The following NLRC5 variants were observed in gnomAD, a reference collection of about 807,000 sequenced individuals.
The protein encoded by NLRC5 is protein NLRC5.
A neutral mutation model predicts 206.9 loss-of-function variants in NLRC5; 114 were observed. The ratio of observed to expected loss-of-function variants is 0.55; its 90% CI spans 0.47 to 0.64. The LOEUF (loss-of-function observed/expected upper bound fraction) is 0.64, where lower values mean the gene tolerates loss of function less well. Among genes scored for constraint, NLRC5 ranks in the 30% least tolerant of loss-of-function variants. NLRC5 has a pLI of 0.00. For synonymous variants in NLRC5, 952 were observed against 962.8 expected, an observed-to-expected ratio of 0.99 and a Z score of 0.21; for missense variants, 2,008 against 2,305.5, an observed-to-expected ratio of 0.87 and a Z score of 2.64.
chr16:57,011,046 C>T (rs2059438154), intron 1 of NLRC5, among the ~76,000 whole-genome samples: 1 of 152,186 alleles, frequency 6.6e-6, no homozygotes, highest in Admixed American at 6.5e-5. Context: ...TCCTGTGTAG[C>T]TTCCCAGAGT....
intron 15 of NLRC5, 121 bp downstream of exon 15, chr16:57,037,405 C>A (rs1221552486): frequency 1.1e-6 from 1 of 871,860 alleles, no homozygotes; most frequent in Non-Finnish European, 1.9e-6. Flanking sequence ...GCTGTCCCAC[C>A]CAGACCCCGT....
intron 15 of NLRC5, among the ~76,000 whole-genome samples, chr16:57,037,926 G>A (rs1348390202): frequency 2.6e-5 from 4 of 152,132 alleles, no homozygotes; most frequent in African/African-American, 4.8e-5. Context: ...GAGGGAAACC[G>A]ATTCACCCAA....
Position 57,041,494 on chromosome 16 carries a change from T to C in NLRC5, c.2949T>C (p.His983=), listed in dbSNP as rs56171037. 0.073 allele frequency: 118,467 copies of C among 1,613,550 alleles called. 4,838 individuals are homozygous for C. The highest frequency in any genetic ancestry group is 0.096 in the Middle Eastern group (579 of 6,062). The change falls in exon 18 of 49, where the codon CAT becomes CAC. Residue 983 remains histidine (H), a synonymous_variant. Coordinates refer to ENST00000688547, the MANE Select transcript of NLRC5 (RefSeq NM_001384950.1). ...PLSSRRMRLT[H]CGLQEKHLEQ... is the part of the protein sequence containing the mutation. ...TTTTGTCCCTGGGCAGGCTGACACA[T>C]TGTGGCCTCCAAGAAAAGCACCTAG...
chr16:57,072,648 C>T (rs1453082138), intron 38 of NLRC5, among the ~76,000 whole-genome samples: 2 of 137,036 alleles, frequency 1.5e-5, no homozygotes, highest in Non-Finnish European at 3.4e-5. Flanking sequence ...TAGACAGTAT[C>T]TGGACAGAAA....
intron 2 of NLRC5, among the ~76,000 whole-genome samples, chr16:57,019,858 G>C (rs1160792152): frequency 6.6e-6 from 1 of 152,174 alleles, no homozygotes; most frequent in Non-Finnish European, 1.5e-5. Flanking sequence ...GAGACAACTA[G>C]TTGTCTCTGC....
chr16:57,058,945 C>T (rs2066050128), intron 28 of NLRC5, 27 bp from the exon 29 acceptor site: 1 of 1,602,522 alleles, frequency 6.2e-7, no homozygotes, highest in African/African-American at 1.3e-5. Context: ...GCCCTCACTC[C>T]CATTCTCATC....
chr16:57,049,973 C>T (rs1014490033), intron 23 of NLRC5, among the ~76,000 whole-genome samples: 2 of 151,938 alleles, frequency 1.3e-5, no homozygotes, highest in African/African-American at 2.4e-5. Flanking sequence ...GGGGTTCCAC[C>T]GGGGAAGCCA....
intron 26 of NLRC5, 88 bp downstream of exon 26, chr16:57,055,182 C>G: frequency 7.4e-7 from 1 of 1,355,664 alleles, no homozygotes; most frequent in Non-Finnish European, 1.1e-6. Context: ...AGTATGCAGA[C>G]TGCCTACCAC....
At chr16:57,066,172 C>T (rs1386681778) in intron 33 of NLRC5, among the ~76,000 whole-genome samples, 2 of 152,086 alleles carry the variant, frequency 1.3e-5, no homozygotes, top group African/African-American at 2.4e-5. Context: ...CGCGGTGGCT[C>T]ACGCCTGTAA....
chr16:57,011,378 A>T (rs1282928484), intron 1 of NLRC5, among the ~76,000 whole-genome samples: 1 of 149,288 alleles, frequency 6.7e-6, no homozygotes, highest in Non-Finnish European at 1.5e-5. Context: ...GTGCCACTAC[A>T]CTCAAGTCTA....
At chr16:57,082,045 C>G (rs891196038) in intron 48 of NLRC5, among the ~76,000 whole-genome samples, 1 of 152,232 alleles carries the variant, frequency 6.6e-6, no homozygotes. Context: ...ACATTGTCAA[C>G]CTGCTAGATT....
At chr16:57,073,222 T>G (rs2067987613) in intron 38 of NLRC5, among the ~76,000 whole-genome samples, 1 of 152,214 alleles carries the variant, frequency 6.6e-6, no homozygotes, top group Non-Finnish European at 1.5e-5. Flanking sequence ...GCTCCTTACC[T>G]CCTGCTGCCT....
At chr16:57,048,797 G>C (rs555820503) in intron 23 of NLRC5, among the ~76,000 whole-genome samples, 1 of 152,184 alleles carries the variant, frequency 6.6e-6, no homozygotes, top group Admixed American at 6.5e-5. Flanking sequence ...GCCTCCCAAA[G>C]TGTTGGGATT....
At chr16:57,037,793 G>A (rs62037268) in intron 15 of NLRC5, among the ~76,000 whole-genome samples, 6 of 152,168 alleles carry the variant, frequency 3.9e-5, no homozygotes, top group South Asian at 2.1e-4. Flanking sequence ...TGTAAGTCTC[G>A]CCGTTGAGTA....
Position 57,041,580 on chromosome 16 carries a change from T to A in NLRC5, c.3029+6T>A. 6.2e-7 allele frequency: 1 copy of A among 1,612,518 alleles called. No homozygotes were observed. Among genetic ancestry groups the A allele is most frequent in the Non-Finnish European group, 8.5e-7 (1 of 1,178,890 alleles). On this transcript the variant is annotated splice_donor_region_variant and intron_variant, in intron 18 of 48. Coordinates refer to ENST00000688547, the MANE Select transcript of NLRC5 (RefSeq NM_001384950.1). Reference sequence around the variant, plus strand: ...CTCGGTCACCTCCACCTCGAGTGAGTGGTTTGTGTGTTGGAAGGTGGGTGG... The same window carrying A: ...CTCGGTCACCTCCACCTCGAGTGAGAGGTTTGTGTGTTGGAAGGTGGGTGG...
In NLRC5 at chr16:57,054,955, G is replaced by A; in HGVS notation, c.3597-77G>A. The A allele has an allele frequency of 1.9e-6, 3 of 1,596,902 alleles. No homozygotes were observed. In the South Asian group the frequency reaches 3.3e-5, roughly 18 times the overall value. On this transcript the variant is annotated intron_variant, in intron 25 of 48. Coordinates refer to ENST00000688547, the MANE Select transcript of NLRC5 (RefSeq NM_001384950.1). ...GACCCAACTAGAGGCTGGGCTTCCG[G>A]AGGAGGGGTGCTGGCCCCGTGGGGG...
intron 38 of NLRC5, among the ~76,000 whole-genome samples, chr16:57,071,091 T>C (rs1307171): frequency 2.8e-5 from 2 of 71,600 alleles, no homozygotes; most frequent in Non-Finnish European, 5.2e-5. Context: ...GTGAGTGGTG[T>C]TGGTGGTTAA....
chr16:57,071,090 G>A (rs1392086990), intron 38 of NLRC5, among the ~76,000 whole-genome samples: 1 of 142,446 alleles, frequency 7.0e-6, no homozygotes, highest in Non-Finnish European at 1.5e-5. Context: ...AGTGAGTGGT[G>A]TTGGTGGTTA....
intron 6 of NLRC5, 56 bp downstream of exon 6, chr16:57,027,074 G>T: frequency 6.4e-7 from 1 of 1,563,842 alleles, no homozygotes; most frequent in Non-Finnish European, 8.7e-7. Flanking sequence ...GGGAGCAGAG[G>T]CCAACCAGTC....
Sources: allele counts gnomAD v4.1 joint callset (sites outside exome capture counted in the v4.1 genomes callset), GRCh38; gene constraint gnomAD v4.1.1; transcripts MANE v1.5; gene names NCBI Gene and HGNC (gene_info 2026-07-23, HGNC 2026-07-21).